Variants in SFMBT2 observed in about 807,000 individuals in gnomAD.
The protein encoded by SFMBT2 is Scm like with four mbt domains 2.
A neutral mutation model predicts 110.1 loss-of-function variants in SFMBT2; 38 were observed. That is an observed-to-expected ratio of 0.35 (90% confidence interval 0.27 to 0.45). The LOEUF is 0.45. Ranked by LOEUF, SFMBT2 falls within the 20% of genes least tolerant of loss-of-function variation. SFMBT2 has a pLI of 1.00. For synonymous variants in SFMBT2, 425 were observed against 425.4 expected, an observed-to-expected ratio of 1.00 and a Z score of 0.01; for missense variants, 1,011 against 1,094.9, an observed-to-expected ratio of 0.92 and a Z score of 1.08.
At chr10:7,249,243 T>A (rs1295177562) in intron 7 of SFMBT2, 1 of 179,146 alleles carries the variant, frequency 5.6e-6, no homozygotes, top group Non-Finnish European at 1.1e-5. Context: ...TCCTACTCAA[T>A]AAAGGTGAGC....
intron 2 of SFMBT2, among the ~76,000 whole-genome samples, chr10:7,381,598 G>C (rs1343872954): frequency 1.3e-5 from 2 of 152,102 alleles, no homozygotes; most frequent in Admixed American, 1.3e-4. Flanking sequence ...CTATAACCTA[G>C]TCCTCTCTGT....
chr10:7,363,581 C>T (rs1374558788), intron 4 of SFMBT2, among the ~76,000 whole-genome samples: 1 of 152,106 alleles, frequency 6.6e-6, no homozygotes, highest in Non-Finnish European at 1.5e-5. Context: ...CGCCTGACCT[C>T]GTGATCCGCC....
intron 16 of SFMBT2, among the ~76,000 whole-genome samples, chr10:7,184,046 T>C (rs77952867): frequency 0.031 from 4,671 of 152,256 alleles, 124 homozygotes; most frequent in Non-Finnish European, 0.046. Flanking sequence ...CTGATATCAA[T>C]ATATGTGTGG....
intron 4 of SFMBT2, among the ~76,000 whole-genome samples, chr10:7,316,958 C>T (rs1052135828): frequency 6.6e-6 from 1 of 152,242 alleles, no homozygotes; most frequent in East Asian, 1.9e-4. Flanking sequence ...AGGGACTATG[C>T]CTATTTGTTT....
intron 4 of SFMBT2, among the ~76,000 whole-genome samples, chr10:7,336,377 G>C (rs1235224955): frequency 3.3e-5 from 5 of 152,194 alleles, no homozygotes; most frequent in Non-Finnish European, 7.4e-5. Context: ...CTTCATGGCA[G>C]AGCCACACCA....
At chr10:7,317,191 T>G (rs1212193676) in intron 4 of SFMBT2, among the ~76,000 whole-genome samples, 1 of 151,884 alleles carries the variant, frequency 6.6e-6, no homozygotes, top group Non-Finnish European at 1.5e-5. Flanking sequence ...TGGCCCACAC[T>G]AAATCCATGG....
intron 9 of SFMBT2, among the ~76,000 whole-genome samples, chr10:7,229,472 G>C (rs185864461): frequency 6.6e-6 from 1 of 151,514 alleles, no homozygotes; most frequent in Non-Finnish European, 1.5e-5. Context: ...CCAGCTACTC[G>C]GGAGGCTGTG....
chr10:7,351,797 C>T (rs1011664112), intron 4 of SFMBT2, among the ~76,000 whole-genome samples: 10 of 151,944 alleles, frequency 6.6e-5, no homozygotes, highest in African/African-American at 2.4e-4. Context: ...ATTTCAAGTG[C>T]CCTGCTATTA....
chr10:7,171,532 T>C lies in SFMBT2; in HGVS notation c.2415+363A>G. On this transcript the variant is annotated intron_variant, in intron 19 of 20. Coordinates refer to ENST00000397167, the MANE Select transcript of SFMBT2 (RefSeq NM_001387889.1). The surrounding 1 kb of genome is among the most constrained non-coding windows in gnomAD (Gnocchi z 4.9). ...TTTAAAACATCACAGAGGTGTCCTA[T>C]AGAGGGGACGTGGGAGCAAGACACA... is the stretch of plus-strand genomic sequence containing the variant. The C allele has an allele frequency of 2.0e-6, 2 of 985,348 alleles. No homozygotes were observed. Among genetic ancestry groups the C allele is most frequent in the Non-Finnish European group, 2.4e-6 (2 of 829,892 alleles). 61.0% of individuals were successfully genotyped at this position (985,348 alleles called of 1,614,324 possible).
Position 7,344,144 on chromosome 10 carries a change from G to A in SFMBT2, c.436+23505C>T, listed in dbSNP as rs555030288. On this transcript the variant is annotated intron_variant, in intron 4 of 20. Transcript: ENST00000397167. ...CAAGTCAGCTTCCTAGGGGAAGAGA[G>A]GAAATATTTTTTCTGTCTTTTCATA... Among the ~76,000 whole-genome samples the A allele has an allele frequency of 3.3e-5, 5 of 152,302 alleles. No homozygotes were observed. The South Asian group carries it at 1.0e-3, about 32-fold the overall frequency.
chr10:7,353,478 C>T (rs1349947052), intron 4 of SFMBT2, among the ~76,000 whole-genome samples: 3 of 143,618 alleles, frequency 2.1e-5, no homozygotes, highest in East Asian at 2.1e-4. Context: ...AACATCTAAG[C>T]ATCTAAATCA....
chr10:7,393,769 C>T (rs969588930), intron 1 of SFMBT2, among the ~76,000 whole-genome samples: 1 of 152,170 alleles, frequency 6.6e-6, no homozygotes, highest in Non-Finnish European at 1.5e-5. Context: ...GTGGAAGGGG[C>T]ATGCCTTTGC....
chr10:7,277,927 C>G (rs1841834756), intron 6 of SFMBT2, among the ~76,000 whole-genome samples: 1 of 152,210 alleles, frequency 6.6e-6, no homozygotes, highest in Admixed American at 6.5e-5. Flanking sequence ...CTATTTTGAT[C>G]CTCATAGCTT....
At chr10:7,183,753 T>A (rs1322929444) in intron 16 of SFMBT2, among the ~76,000 whole-genome samples, 1 of 152,180 alleles carries the variant, frequency 6.6e-6, no homozygotes, top group Non-Finnish European at 1.5e-5. Context: ...CTTTCTTACT[T>A]CTCACTTGCT....
intron 4 of SFMBT2, among the ~76,000 whole-genome samples, chr10:7,298,721 ATGTG>A: frequency 6.6e-6 from 1 of 151,370 alleles, no homozygotes; most frequent in South Asian, 2.1e-4. Context: ...GTGCGTATGT[ATGTG>A]TGTATGTATG....
At chr10:7,371,268 C>A (rs558042406) in intron 2 of SFMBT2, among the ~76,000 whole-genome samples, 14 of 152,044 alleles carry the variant, frequency 9.2e-5, no homozygotes, top group African/African-American at 3.4e-4. Flanking sequence ...GGACTAAAGG[C>A]GTGCATCACC....
chr10:7,351,475 A>G (rs1212639412), intron 4 of SFMBT2, among the ~76,000 whole-genome samples: 1 of 152,188 alleles, frequency 6.6e-6, no homozygotes, highest in African/African-American at 2.4e-5. Context: ...TCCAGTTTAC[A>G]TATGGGAATA....
intron 20 of SFMBT2, chr10:7,164,498 G>A (rs1837641386): frequency 2.1e-6 from 2 of 959,476 alleles, no homozygotes; most frequent in Admixed American, 6.2e-5. Context: ...GAACAGGTGG[G>A]TTGCTGCGGG....
chr10:7,164,209 A>G (rs1163089325), intron 20 of SFMBT2: 1 of 794,000 alleles, frequency 1.3e-6, no homozygotes, highest in Non-Finnish European at 1.5e-6. Context: ...TAACACGGTG[A>G]GATACGGTCT....
Sources: allele counts gnomAD v4.1 joint callset (sites outside exome capture counted in the v4.1 genomes callset), GRCh38; gene constraint gnomAD v4.1.1; non-coding constraint Gnocchi (gnomAD v3.1); transcripts MANE v1.5; gene names NCBI Gene and HGNC (gene_info 2026-07-23, HGNC 2026-07-21).